PCDHGB7: variants seen among roughly 807,000 people sequenced by gnomAD.
PCDHGB7 encodes protocadherin gamma-B7.
In PCDHGB7, 37 loss-of-function variants were observed where a neutral mutation model predicts 61.4. The observed-to-expected ratio is 0.60, with a 90% CI of 0.46 to 0.79. The LOEUF is 0.79. Ranked by LOEUF, PCDHGB7 falls within the 30% of genes least tolerant of loss-of-function variation. The probability of loss-of-function intolerance (pLI) is 0.00; values close to 1 mark genes in which losing one functional copy is unlikely to be tolerated. For synonymous variants in PCDHGB7, 464 were observed against 503.5 expected (o/e 0.92, Z 1.05); for missense variants, 1,166 against 1,202.5 (o/e 0.97, Z 0.45).
chr5:141,455,093 T>C (rs2098812615), intron 1 of PCDHGB7, among the ~76,000 whole-genome samples: 1 of 152,060 alleles, frequency 6.6e-6, no homozygotes, highest in African/African-American at 2.4e-5. Context: ...ATTACAGGCT[T>C]GAGCCACTGC....
Position 141,476,116 on chromosome 5 carries a change from G to C in PCDHGB7, c.2416-18691G>C, listed in dbSNP as rs367958555. On this transcript the variant is annotated intron_variant, in intron 1 of 3. Transcript: ENST00000398594. The surrounding 1 kb of genome is among the most constrained non-coding windows in gnomAD (Gnocchi z 7.6). ...GCTGAGAGGAACTGCTTTTGAGTGA[G>C]ATGGTCCCAGAGGCCTGGAGGAGCG... 504 of 1,593,954 alleles carry C rather than the reference G, an allele frequency of 3.2e-4. No individual in the cohort carries two copies. Among genetic ancestry groups the C allele is most frequent in the Non-Finnish European group, 4.1e-4 (479 of 1,172,292 alleles).
At position 141,497,540 on chromosome 5, in the gene PCDHGB7, C is replaced by CT. The variant is rs754207034; in HGVS notation, c.2474+2693dup. On this transcript the variant is annotated intron_variant, in intron 2 of 3. Transcript: ENST00000398594. Reference sequence around the variant, plus strand: ...TTAACTTGTGGAGGATGCAACAAACCTTTTTTTTTTTTTTTTTTAGACAGA... The same window carrying CT: ...TTAACTTGTGGAGGATGCAACAAACCTTTTTTTTTTTTTTTTTTTAGACAGA... Among the ~76,000 whole-genome samples, 618 of 134,908 alleles carry CT rather than the reference C, an allele frequency of 4.6e-3. 3 individuals carry two copies. The highest frequency in any genetic ancestry group is 0.012 in the African/African-American group (419 of 35,974). 88.5% of individuals were successfully genotyped at this position (134,908 alleles called of 152,430 possible). A position where few individuals can be genotyped will look rare whatever the true frequency, so the allele number is the denominator to read the frequency against.
In PCDHGB7 at chr5:141,432,293, G is replaced by T. The variant is rs765631138; in HGVS notation, c.2415+12019G>T. ...CTACGTGTCCATCAACTCCGACACT[G>T]GGGTACTGTATGCGCTGAGCTCCTT... On this transcript the variant is annotated intron_variant, in intron 1 of 3. Coordinates refer to ENST00000398594, the MANE Select transcript of PCDHGB7 (RefSeq NM_018927.4). The surrounding 1 kb of genome is among the most constrained non-coding windows in gnomAD (Gnocchi z 6.0). 1.2e-6 allele frequency: 2 copies of T among 1,614,136 alleles called. No individual in the cohort carries two copies. Among genetic ancestry groups the T allele is most frequent in the African/African-American group, 1.3e-5 (1 of 74,950 alleles).
chr5:141,448,464 T>C lies in PCDHGB7; in HGVS notation c.2415+28190T>C, dbSNP rs186054602. Among the ~76,000 whole-genome samples the C allele has an allele frequency of 2.6e-3, 402 of 152,296 alleles. 10 individuals are homozygous for C. The highest frequency in any genetic ancestry group is 0.023 in the Admixed American group (357 of 15,282). ...CTGACTTCCATCCCTATCCTACTCCTATTCCACCCTTGCTTCCTCCTGTCC... is the reference window on the plus strand; with the variant it reads ...CTGACTTCCATCCCTATCCTACTCCCATTCCACCCTTGCTTCCTCCTGTCC... On this transcript the variant is annotated intron_variant, in intron 1 of 3. Transcript: ENST00000398594.
At chr5:141,428,102 G>A (rs774075619) in intron 1 of PCDHGB7, 1 of 1,608,518 alleles carries the variant, frequency 6.2e-7, no homozygotes, top group Non-Finnish European at 8.5e-7. Context: ...CCTACCACGT[G>A]CTGCAGGCCA....
At chr5:141,451,954 G>A (rs2098729151) in intron 1 of PCDHGB7, among the ~76,000 whole-genome samples, 1 of 152,084 alleles carries the variant, frequency 6.6e-6, no homozygotes, top group Non-Finnish European at 1.5e-5. Flanking sequence ...CCGAGAAAGT[G>A]ACATACCATC....
In PCDHGB7 at chr5:141,493,307, AAG is replaced by A. The variant is rs2099747490; in HGVS notation, c.2416-1494_2416-1493del. Among the ~76,000 whole-genome samples, 1 of 152,234 alleles carries A rather than the reference AAG, an allele frequency of 6.6e-6. No homozygotes were observed. Among genetic ancestry groups the A allele is most frequent in the South Asian group, 2.1e-4 (1 of 4,832 alleles). ...ACTTGCTCAAGTTCACAGAGCAAGT[AAG>A]AGAGATTCTAACCCCTGTCTAACTC... On this transcript the variant is annotated intron_variant, in intron 1 of 3. Transcript: ENST00000398594. This position sits in a 1 kb window ranked among gnomAD's most constrained non-coding sequence, Gnocchi z 4.3.
chr5:141,506,280 C>CT (rs1455257972), intron 3 of PCDHGB7, among the ~76,000 whole-genome samples: 1 of 152,024 alleles, frequency 6.6e-6, no homozygotes, highest in Non-Finnish European at 1.5e-5. Flanking sequence ...GAAACCCTGT[C>CT]TCTACTAAAA....
rs371821042 is a variant in PCDHGB7, at chr5:141,421,764, T to C, written c.2415+1490T>C. The C allele has an allele frequency of 8.7e-6, 14 of 1,613,782 alleles. No individual in the cohort carries two copies. The African/African-American group carries it at 1.5e-4, about 17-fold the overall frequency. ...ACCAGCTCAGCCCTAATAATTACTT[T>C]TCCTTGCAACTGCGGGGCAGAACGG... On this transcript the variant is annotated intron_variant, in intron 1 of 3. Transcript: ENST00000398594.
chr5:141,445,120 AT>A (rs1287463110), intron 1 of PCDHGB7, among the ~76,000 whole-genome samples: 1 of 152,228 alleles, frequency 6.6e-6, no homozygotes, highest in African/African-American at 2.4e-5. Flanking sequence ...TGTAAATAGT[AT>A]TTTTAAAATT....
intron 2 of PCDHGB7, among the ~76,000 whole-genome samples, chr5:141,500,359 C>T (rs2099799599): frequency 6.6e-6 from 1 of 152,032 alleles, no homozygotes; most frequent in Non-Finnish European, 1.5e-5. Flanking sequence ...CAGGCGCCCA[C>T]TACCACGCCC....
At chr5:141,447,957 A>T (rs1460497437) in intron 1 of PCDHGB7, among the ~76,000 whole-genome samples, 3 of 151,910 alleles carry the variant, frequency 2.0e-5, no homozygotes, top group African/African-American at 7.3e-5. Context: ...ATGGTGGCGG[A>T]CACCTATAAT....
Position 141,490,705 on chromosome 5 carries a change from C to T in PCDHGB7, c.2416-4102C>T. 1 of 1,614,194 alleles carries T rather than the reference C, an allele frequency of 6.2e-7. No individual in the cohort carries two copies. Among genetic ancestry groups the T allele is most frequent in the South Asian group, 1.1e-5 (1 of 91,082 alleles). On this transcript the variant is annotated intron_variant, in intron 1 of 3. Coordinates refer to ENST00000398594, the MANE Select transcript of PCDHGB7 (RefSeq NM_018927.4). This position sits in a 1 kb window ranked among gnomAD's most constrained non-coding sequence, Gnocchi z 5.4. ...TCCAGACACTGGGGATAATGCCCGC[C>T]TCACCTACTCCATTGTAGGAAATCA...
intron 1 of PCDHGB7, among the ~76,000 whole-genome samples, chr5:141,470,205 G>T (rs934926584): frequency 6.6e-6 from 1 of 152,094 alleles, no homozygotes; most frequent in Non-Finnish European, 1.5e-5. Flanking sequence ...AAATATGAAG[G>T]CTAAACCATT....
intron 1 of PCDHGB7, among the ~76,000 whole-genome samples, chr5:141,443,034 A>T (rs368996869): frequency 2.0e-5 from 3 of 152,172 alleles, no homozygotes; most frequent in East Asian, 3.8e-4. Context: ...CCAGACCTAA[A>T]CTTTGAAAAT....
At position 141,490,870 on chromosome 5, in the gene PCDHGB7, T is replaced by C; in HGVS notation, c.2416-3937T>C. Reference sequence around the variant, plus strand: ...GGTTCGAGACTCCGGCTCTCCCCCATTGCATGCCAACACATCTCTGCATGT... The same window carrying C: ...GGTTCGAGACTCCGGCTCTCCCCCACTGCATGCCAACACATCTCTGCATGT... On this transcript the variant is annotated intron_variant, in intron 1 of 3. Coordinates refer to ENST00000398594, the MANE Select transcript of PCDHGB7 (RefSeq NM_018927.4). The surrounding 1 kb of genome is among the most constrained non-coding windows in gnomAD (Gnocchi z 5.4). 6.2e-7 allele frequency: 1 copy of C among 1,613,888 alleles called. No homozygotes were observed. Among genetic ancestry groups the C allele is most frequent in the Non-Finnish European group, 8.5e-7 (1 of 1,179,932 alleles).
In PCDHGB7 at chr5:141,476,178, T is replaced by G; in HGVS notation, c.2416-18629T>G. Reference sequence around the variant, plus strand: ...ACCGGGAGGGTAGTGGGAGTTTTGCTTCTGCTTGGTGCCTTGAACAAGGCT... The same window carrying G: ...ACCGGGAGGGTAGTGGGAGTTTTGCGTCTGCTTGGTGCCTTGAACAAGGCT... On this transcript the variant is annotated intron_variant, in intron 1 of 3. Transcript: ENST00000398594. This position sits in a 1 kb window ranked among gnomAD's most constrained non-coding sequence, Gnocchi z 7.6. The G allele has an allele frequency of 3.1e-6, 5 of 1,613,632 alleles. No homozygotes were observed. Among genetic ancestry groups the G allele is most frequent in the Non-Finnish European group, 4.2e-6 (5 of 1,180,000 alleles).
At chr5:141,472,994 A>AAAG (rs2099310386) in intron 1 of PCDHGB7, among the ~76,000 whole-genome samples, 1 of 151,692 alleles carries the variant, frequency 6.6e-6, no homozygotes, top group Non-Finnish European at 1.5e-5. Flanking sequence ...AAAAAAAAAA[A>AAAG]AAAGAAAGAA....
chr5:141,481,835 C>T (rs892868552), intron 1 of PCDHGB7, among the ~76,000 whole-genome samples: 5 of 149,932 alleles, frequency 3.3e-5, no homozygotes, highest in Non-Finnish European at 7.4e-5. Flanking sequence ...GCAGGAGAAT[C>T]GCTTGATGGT....
Sources: allele counts gnomAD v4.1 joint callset (sites outside exome capture counted in the v4.1 genomes callset), GRCh38; gene constraint gnomAD v4.1.1; non-coding constraint Gnocchi (gnomAD v3.1); transcripts MANE v1.5; gene names NCBI Gene and HGNC (gene_info 2026-07-23, HGNC 2026-07-21).